Variants in SLC8A1 observed in about 807,000 individuals in gnomAD.
SLC8A1 encodes solute carrier family 8 member A1, also known as sodium/calcium exchanger 1.
A neutral mutation model predicts 68.3 loss-of-function variants in SLC8A1; 18 were observed. The ratio of observed to expected loss-of-function variants is 0.26; its 90% CI spans 0.18 to 0.39. SLC8A1 has a LOEUF of 0.39. Ranked by LOEUF, SLC8A1 falls within the 10% of genes least tolerant of loss-of-function variation. SLC8A1 has a pLI of 1.00. For missense variants in SLC8A1, 985 were observed against 1,156.7 expected, an observed-to-expected ratio of 0.85 and a Z score of 2.15; for synonymous variants, 475 against 415.5, an observed-to-expected ratio of 1.14 and a Z score of -1.74.
intron 7 of SLC8A1, chr2:40,116,754 G>A (rs1360852394): frequency 6.6e-6 from 1 of 152,128 alleles, no homozygotes; most frequent in African/African-American, 2.4e-5. Context: ...CTGTGCTGTG[G>A]GCACCAATGA....
intron 2 of SLC8A1, chr2:40,196,072 A>C (rs1385615591): frequency 6.6e-6 from 1 of 151,628 alleles, no homozygotes; most frequent in African/African-American, 2.4e-5. Flanking sequence ...CTAATATTTA[A>C]AAATCAGGAG....
intron 2 of SLC8A1, among the ~76,000 whole-genome samples, chr2:40,206,653 A>G (rs2055508521): frequency 6.6e-6 from 1 of 152,042 alleles, no homozygotes; most frequent in African/African-American, 2.4e-5. Flanking sequence ...AAACACAAGA[A>G]TCAGAACCAG....
At chr2:40,426,151 T>G (rs1559630850) in intron 2 of SLC8A1, among the ~76,000 whole-genome samples, 1 of 151,898 alleles carries the variant, frequency 6.6e-6, no homozygotes, top group Non-Finnish European at 1.5e-5. Flanking sequence ...ATTAAAAATC[T>G]AGAAAAAAGA....
At chr2:40,224,413 T>G (rs549039036) in intron 2 of SLC8A1, among the ~76,000 whole-genome samples, 1 of 152,156 alleles carries the variant, frequency 6.6e-6, no homozygotes, top group East Asian at 1.9e-4. Flanking sequence ...TTCCATCATT[T>G]TGTGAGAAAA....
chr2:40,184,457 G>A (rs910839728), intron 2 of SLC8A1, among the ~76,000 whole-genome samples: 5 of 152,006 alleles, frequency 3.3e-5, no homozygotes, highest in African/African-American at 7.3e-5. Flanking sequence ...AAGAAATGAC[G>A]GTCTCTGCAG....
intron 2 of SLC8A1, among the ~76,000 whole-genome samples, chr2:40,361,672 AATG>A (rs1674669961): frequency 6.6e-6 from 1 of 151,954 alleles, no homozygotes; most frequent in Non-Finnish European, 1.5e-5. Context: ...TTCTCTACTG[AATG>A]ATGTCATCTG....
chr2:40,289,422 C>G (rs527830529), intron 2 of SLC8A1, among the ~76,000 whole-genome samples: 1 of 152,252 alleles, frequency 6.6e-6, no homozygotes, highest in South Asian at 2.1e-4. Flanking sequence ...ACCTTAACAA[C>G]TTTCTTGCCA....
intron 2 of SLC8A1, among the ~76,000 whole-genome samples, chr2:40,327,071 A>C (rs887363236): frequency 1.7e-4 from 26 of 152,316 alleles, no homozygotes; most frequent in African/African-American, 6.0e-4. Flanking sequence ...AAAAGAAACT[A>C]CTTACAATTC....
intron 2 of SLC8A1, among the ~76,000 whole-genome samples, chr2:40,259,157 G>A (rs1335515191): frequency 6.6e-6 from 1 of 152,120 alleles, no homozygotes; most frequent in African/African-American, 2.4e-5. Context: ...GACCCTAGAG[G>A]TAATAGAATC....
chr2:40,389,362 C>T (rs1367382380), intron 2 of SLC8A1, among the ~76,000 whole-genome samples: 1 of 152,022 alleles, frequency 6.6e-6, no homozygotes, highest in Non-Finnish European at 1.5e-5. Context: ...CCTTTGGTGC[C>T]AGCCTTAAGC....
chr2:40,168,657 A>G (rs2046954328), intron 4 of SLC8A1, among the ~76,000 whole-genome samples: 1 of 152,184 alleles, frequency 6.6e-6, no homozygotes, highest in Non-Finnish European at 1.5e-5. Flanking sequence ...TAAAATTTTA[A>G]TCATCTATTT....
At chr2:40,451,924 G>A (rs2149880738) in exon 1 of SLC8A1, 1 of 152,206 alleles carries the variant, frequency 6.6e-6, no homozygotes, top group East Asian at 1.9e-4. Context: ...GAGTGTGAAT[G>A]GATTCTTCCT....
At chr2:40,280,010 A>C (rs2067282151) in intron 2 of SLC8A1, among the ~76,000 whole-genome samples, 1 of 152,222 alleles carries the variant, frequency 6.6e-6, no homozygotes, top group South Asian at 2.1e-4. Context: ...GACCATGTAG[A>C]TACAGCATTT....
chr2:40,215,631 G>A (rs1212566995), intron 2 of SLC8A1, among the ~76,000 whole-genome samples: 18 of 107,544 alleles, frequency 1.7e-4, no homozygotes, highest in African/African-American at 3.4e-4. Context: ...GCGACAAAGC[G>A]AGACTCCGTC....
chr2:40,423,492 T>C lies in SLC8A1; in HGVS notation c.1808+4981A>G, dbSNP rs575370549. On this transcript the variant is annotated intron_variant, in intron 2 of 7. Transcript: ENST00000406785. ...TTAAGTATGTGCAGATTAACTGATA[T>C]ATAAATTCTCCTCTGCCCCTAACCC... Among the ~76,000 whole-genome samples the C allele has an allele frequency of 2.6e-5, 4 of 152,146 alleles. No individual in the cohort carries two copies. The East Asian group carries it at 5.8e-4, about 22-fold the overall frequency.
At chr2:40,387,526 T>C (rs1258726962) in intron 2 of SLC8A1, among the ~76,000 whole-genome samples, 1 of 151,392 alleles carries the variant, frequency 6.6e-6, no homozygotes, top group African/African-American at 2.5e-5. Context: ...TCCTTCTGCA[T>C]TGTTCTCACT....
chr2:40,362,747 T>C (rs1674971925), intron 2 of SLC8A1, among the ~76,000 whole-genome samples: 1 of 152,120 alleles, frequency 6.6e-6, no homozygotes, highest in African/African-American at 2.4e-5. Context: ...TCAATTTACA[T>C]CATAGTTGCA....
chr2:40,451,962 G>C (rs901875505), exon 1 of SLC8A1: 2 of 151,924 alleles, frequency 1.3e-5, no homozygotes, highest in East Asian at 1.9e-4. Flanking sequence ...TAGAAAATAC[G>C]GCGCACTCCC....
At chr2:40,229,269 T>C (rs1028116997) in intron 2 of SLC8A1, among the ~76,000 whole-genome samples, 2 of 152,066 alleles carry the variant, frequency 1.3e-5, no homozygotes, top group African/African-American at 4.8e-5. Context: ...GTTGCAAGAA[T>C]ACTATTTTCA....
Sources: allele counts gnomAD v4.1 joint callset (sites outside exome capture counted in the v4.1 genomes callset), GRCh38; gene constraint gnomAD v4.1.1; transcripts MANE v1.5; gene names NCBI Gene and HGNC (gene_info 2026-07-23, HGNC 2026-07-21).